The following DIPK2A variants were observed in gnomAD, a reference collection of about 807,000 sequenced individuals.
The protein encoded by DIPK2A is divergent protein kinase domain 2A.
DIPK2A carries 27 observed loss-of-function variants against 39.0 expected under a neutral mutation model. The observed-to-expected ratio is 0.69, with a 90% CI of 0.51 to 0.96. The LOEUF is 0.96. Ranked by LOEUF, DIPK2A falls within the 40% of genes least tolerant of loss-of-function variation. The pLI is 0.00. For missense variants in DIPK2A, 528 were observed against 571.3 expected (o/e 0.92, Z 0.77); for synonymous variants, 298 against 240.8 (o/e 1.24, Z -2.20).
chr3:143,986,084 A>G (rs556023138), intron 2 of DIPK2A: 13 of 481,534 alleles, frequency 2.7e-5, no homozygotes, highest in Non-Finnish European at 4.0e-5. Flanking sequence ...TATCTAACCT[A>G]CGGGACATCA....
At chr3:143,974,022 C>T (rs1334969673) in intron 1 of DIPK2A, among the ~76,000 whole-genome samples, 3 of 152,032 alleles carry the variant, frequency 2.0e-5, no homozygotes, top group Non-Finnish European at 2.9e-5. Context: ...GTGCTCCTTT[C>T]CATGACAAGA....
chr3:143,986,151 G>C, intron 2 of DIPK2A: 1 of 266,940 alleles, frequency 3.7e-6, no homozygotes, highest in Non-Finnish European at 7.0e-6. Context: ...GTCTAAAGTT[G>C]GGGGAAATTG....
In DIPK2A at chr3:143,978,654, ATATATCTATATATAGATATATATATATC is replaced by A. The variant is rs1559854242; in HGVS notation, c.657+5671_657+5698del. ...TATATATATATCTATATATATATAT[ATATATCTATATATAGATATATATATATC>A]TATATATATATATATATATACTGTC... On this transcript the variant is annotated intron_variant, in intron 1 of 2. Transcript: ENST00000315691. 210 of 42,716 alleles carry A rather than the reference ATATATCTATATATAGATATATATATATC, an allele frequency of 4.9e-3. 2 individuals carry two copies. The highest frequency in any genetic ancestry group is 0.013 in the Middle Eastern group (1 of 78). The allele number at this position is 42,716 out of a possible 1,614,324, so 2.6% of individuals were successfully genotyped here.
At chr3:143,985,413 A>G in intron 1 of DIPK2A, 130 bp from the exon 2 acceptor site, 1 of 786,002 alleles carries the variant, frequency 1.3e-6, no homozygotes, top group South Asian at 1.8e-5. Context: ...GTTAATCTCT[A>G]ATAAACTGTT....
intron 2 of DIPK2A, among the ~76,000 whole-genome samples, chr3:143,988,806 C>A (rs1370641227): frequency 6.6e-6 from 1 of 152,110 alleles, no homozygotes; most frequent in Non-Finnish European, 1.5e-5. Context: ...TTAAACTTTA[C>A]CCATATACTT....
At chr3:143,982,460 A>G (rs146057745) in intron 1 of DIPK2A, among the ~76,000 whole-genome samples, 1 of 152,220 alleles carries the variant, frequency 6.6e-6, no homozygotes, top group South Asian at 2.1e-4. Context: ...TTCTTAAAGG[A>G]AAGAATTTTC....
chr3:143,973,051 G>A, intron 1 of DIPK2A, 62 bp downstream of exon 1: 1 of 1,514,186 alleles, frequency 6.6e-7, no homozygotes, highest in South Asian at 1.2e-5. Flanking sequence ...ATCAGAGTCG[G>A]GAGAAGTGGC....
intron 2 of DIPK2A, among the ~76,000 whole-genome samples, chr3:143,986,557 T>A (rs1286305573): frequency 1.3e-5 from 2 of 151,934 alleles, no homozygotes; most frequent in Non-Finnish European, 2.9e-5. Context: ...ACCCCGTCTC[T>A]ACTAAAAATA....
At chr3:143,985,885 TC>T (rs770317846) in intron 2 of DIPK2A, 39 bp downstream of exon 2, 58 of 1,499,564 alleles carry the variant, frequency 3.9e-5, no homozygotes, top group Non-Finnish European at 3.4e-5. Context: ...ACTCATTTTT[TC>T]CTATGTCAAA....
chr3:143,979,693 G>GA (rs2087800650), intron 1 of DIPK2A, among the ~76,000 whole-genome samples: 1 of 150,492 alleles, frequency 6.6e-6, no homozygotes, highest in Non-Finnish European at 1.5e-5. Context: ...TTTGTTTTGT[G>GA]TTTTTTTTTG....
intron 1 of DIPK2A, chr3:143,978,620 ATC>A (rs200377490): frequency 0.013 from 700 of 53,704 alleles, 10 homozygotes; most frequent in African/African-American, 0.08. Flanking sequence ...ATATATCTAT[ATC>A]TATATATATA....
intron 1 of DIPK2A, among the ~76,000 whole-genome samples, chr3:143,979,550 A>G (rs1196964181): frequency 6.6e-6 from 1 of 152,160 alleles, no homozygotes; most frequent in African/African-American, 2.4e-5. Context: ...AAATGAAAAG[A>G]TCTGACAGTA....
chr3:143,977,124 A>G (rs1273390776), intron 1 of DIPK2A, among the ~76,000 whole-genome samples: 1 of 152,046 alleles, frequency 6.6e-6, no homozygotes, highest in Non-Finnish European at 1.5e-5. Flanking sequence ...TTATATAGGG[A>G]ACAACATATT....
intron 2 of DIPK2A, among the ~76,000 whole-genome samples, chr3:143,989,154 A>G (rs2087946601): frequency 6.6e-6 from 1 of 152,178 alleles, no homozygotes; most frequent in African/African-American, 2.4e-5. Flanking sequence ...TAAGACCTAA[A>G]TCAGATGTTC....
chr3:143,972,888 AC>A lies in DIPK2A; in HGVS notation c.558del (p.Lys187ArgfsTer21). 6.3e-7 allele frequency: 1 copy of A among 1,580,564 alleles called. No individual in the cohort carries two copies. Among genetic ancestry groups the A allele is most frequent in the Non-Finnish European group, 8.6e-7 (1 of 1,165,462 alleles). On this transcript the variant is annotated frameshift_variant, in exon 1 of 3. Transcript: ENST00000315691. LOFTEE classifies it high-confidence loss of function. ...CCGCCTGGTGCGCCGCTACGCGGAGACCAAGGACTCGGGCAGCTTCCTGCTT... is the reference window on the plus strand; with the variant it reads ...CCGCCTGGTGCGCCGCTACGCGGAGACAAGGACTCGGGCAGCTTCCTGCTT... ...LDRLVRRYAE[T>X]KDSGSFLLRN...
chr3:143,978,641 T>TATAG (rs2087774219), intron 1 of DIPK2A: 2 of 26,370 alleles, frequency 7.6e-5, no homozygotes, highest in African/African-American at 4.8e-4. Context: ...TATATATATC[T>TATAG]ATATATATAT....
chr3:143,987,371 A>G (rs2087918787), intron 2 of DIPK2A, among the ~76,000 whole-genome samples: 1 of 152,228 alleles, frequency 6.6e-6, no homozygotes, highest in African/African-American at 2.4e-5. Flanking sequence ...GAATCCAGCC[A>G]TATAGCTTCT....
chr3:143,972,732 CGCTGCGACCT>C lies in DIPK2A; in HGVS notation c.406_415del (p.Asp136ArgfsTer69). The C allele has an allele frequency of 6.3e-7, 1 of 1,588,274 alleles. No individual in the cohort carries two copies. Among genetic ancestry groups the C allele is most frequent in the Non-Finnish European group, 8.5e-7 (1 of 1,169,866 alleles). ...CTGCAAGCGGGCCACCGGCCGGCCCCGCTGCGACCTGCTGCAGGCCATGCCCCGGACCGAG... is the reference window on the plus strand; with the variant it reads ...CTGCAAGCGGGCCACCGGCCGGCCCCGCTGCAGGCCATGCCCCGGACCGAG... On this transcript the variant is annotated frameshift_variant, in exon 1 of 3. Coordinates refer to ENST00000315691, the MANE Select transcript of DIPK2A (RefSeq NM_173552.5). LOFTEE classifies it high-confidence loss of function.
chr3:143,983,311 A>C (rs2087851524), intron 1 of DIPK2A, among the ~76,000 whole-genome samples: 1 of 151,956 alleles, frequency 6.6e-6, no homozygotes, highest in Non-Finnish European at 1.5e-5. Context: ...TAAAATAGTA[A>C]AACACTCCTC....
Sources: allele counts gnomAD v4.1 joint callset (sites outside exome capture counted in the v4.1 genomes callset), GRCh38; gene constraint gnomAD v4.1.1; transcripts MANE v1.5; gene names NCBI Gene and HGNC (gene_info 2026-07-23, HGNC 2026-07-21).